Variants in ZNF804B observed in about 807,000 individuals in gnomAD.
ZNF804B encodes the protein zinc finger protein 804B.
A neutral mutation model predicts 101.4 loss-of-function variants in ZNF804B; 80 were observed. That is an observed-to-expected ratio of 0.79 (90% CI 0.66 to 0.95). The LOEUF (loss-of-function observed/expected upper bound fraction) is 0.95, where lower values mean the gene tolerates loss of function less well. Among genes scored for constraint, ZNF804B ranks in the 40% least tolerant of loss-of-function variants. ZNF804B has a pLI of 0.00. For missense variants in ZNF804B, 1,673 were observed against 1,561.9 expected (o/e 1.07, Z -1.20); for synonymous variants, 622 against 558.8 (o/e 1.11, Z -1.59).
intron 1 of ZNF804B, among the ~76,000 whole-genome samples, chr7:88,869,019 A>G (rs2115874160): frequency 6.6e-6 from 1 of 152,320 alleles, no homozygotes; most frequent in Non-Finnish European, 1.5e-5. Context: ...TGGAGTGAGA[A>G]GAATCACCTA....
At chr7:88,875,414 A>C (rs978940753) in intron 1 of ZNF804B, among the ~76,000 whole-genome samples, 2 of 152,192 alleles carry the variant, frequency 1.3e-5, no homozygotes, top group African/African-American at 4.8e-5. Flanking sequence ...AACTGCTAGC[A>C]AGACTAATAA....
chr7:89,085,851 A>G (rs1393375925), intron 1 of ZNF804B, among the ~76,000 whole-genome samples: 3 of 151,974 alleles, frequency 2.0e-5, no homozygotes, highest in Admixed American at 1.3e-4. Context: ...TTATTCTGAT[A>G]AGATTTAATG....
At chr7:88,906,529 C>A (rs903367595) in intron 1 of ZNF804B, among the ~76,000 whole-genome samples, 1 of 151,990 alleles carries the variant, frequency 6.6e-6, no homozygotes, top group Non-Finnish European at 1.5e-5. Flanking sequence ...GTTTAATTTC[C>A]ATGTGTTTAT....
chr7:89,076,305 G>C (rs1789614547), intron 1 of ZNF804B, among the ~76,000 whole-genome samples: 1 of 152,090 alleles, frequency 6.6e-6, no homozygotes, highest in Admixed American at 6.6e-5. Flanking sequence ...CAGTGGGCGG[G>C]TCTTTCCTGT....
intron 1 of ZNF804B, among the ~76,000 whole-genome samples, chr7:89,141,217 T>C (rs1375996251): frequency 6.6e-6 from 1 of 152,042 alleles, no homozygotes; most frequent in Admixed American, 6.6e-5. Context: ...AAGATCACCA[T>C]AACAAATATA....
chr7:89,078,604 A>G lies in ZNF804B; in HGVS notation c.109-139551A>G, dbSNP rs114940121. Among the ~76,000 whole-genome samples, 1,263 of 151,944 alleles carry G rather than the reference A, an allele frequency of 8.3e-3. 20 individuals carry two copies. Among genetic ancestry groups the G allele is most frequent in the African/African-American group, 0.029 (1,196 of 41,442 alleles). ...TGATAAAATGAGATGTTAGGGCAAT[A>G]TAAAAAAAACACAATATTGCAATTT... On this transcript the variant is annotated intron_variant, in intron 1 of 3. Transcript: ENST00000333190.
intron 1 of ZNF804B, among the ~76,000 whole-genome samples, chr7:89,040,265 T>C (rs1044573205): frequency 6.6e-6 from 1 of 152,048 alleles, no homozygotes; most frequent in African/African-American, 2.4e-5. Flanking sequence ...TCCTTTACTC[T>C]TTTTATCTTT....
intron 1 of ZNF804B, among the ~76,000 whole-genome samples, chr7:88,953,075 T>G (rs1273580449): frequency 6.6e-6 from 1 of 151,850 alleles, no homozygotes. Context: ...GTTATTTGTC[T>G]GGTCCACTAG....
intron 1 of ZNF804B, among the ~76,000 whole-genome samples, chr7:89,113,388 C>T (rs1269983852): frequency 6.6e-6 from 1 of 151,954 alleles, no homozygotes; most frequent in Non-Finnish European, 1.5e-5. Flanking sequence ...AAAAAAATAG[C>T]ATAAAGAGTG....
intron 1 of ZNF804B, among the ~76,000 whole-genome samples, chr7:88,901,111 G>T (rs1457013032): frequency 6.6e-6 from 1 of 151,638 alleles, no homozygotes; most frequent in Non-Finnish European, 1.5e-5. Context: ...AGTGAAAATT[G>T]ACTTTTTTAT....
chr7:88,770,034 A>G (rs926691843), intron 1 of ZNF804B, among the ~76,000 whole-genome samples: 1 of 152,170 alleles, frequency 6.6e-6, no homozygotes, highest in African/African-American at 2.4e-5. Flanking sequence ...TAAACTTTTT[A>G]TCAGTTGTTA....
At chr7:89,313,304 A>C (rs1790670675) in intron 2 of ZNF804B, among the ~76,000 whole-genome samples, 2 of 152,228 alleles carry the variant, frequency 1.3e-5, no homozygotes, top group South Asian at 2.1e-4. Context: ...TCTGAACTAA[A>C]GAAAAACATT....
chr7:89,078,693 A>G, intron 1 of ZNF804B, among the ~76,000 whole-genome samples: 1 of 149,436 alleles, frequency 6.7e-6, no homozygotes, highest in Non-Finnish European at 1.5e-5. Flanking sequence ...TCTAACTAAG[A>G]TTTTTCTATT....
chr7:88,775,925 C>G (rs1790134023), intron 1 of ZNF804B, among the ~76,000 whole-genome samples: 1 of 152,156 alleles, frequency 6.6e-6, no homozygotes, highest in Admixed American at 6.5e-5. Flanking sequence ...CATGTTGTCC[C>G]TCCAATTTTA....
intron 1 of ZNF804B, among the ~76,000 whole-genome samples, chr7:89,192,068 T>G (rs916141503): frequency 1.3e-5 from 2 of 152,092 alleles, no homozygotes; most frequent in Non-Finnish European, 2.9e-5. Flanking sequence ...AGGATTCTTA[T>G]TAGGAGGATG....
At chr7:89,019,759 G>C (rs1296046958) in intron 1 of ZNF804B, among the ~76,000 whole-genome samples, 1 of 151,886 alleles carries the variant, frequency 6.6e-6, no homozygotes, top group African/African-American at 2.4e-5. Flanking sequence ...TTTTGACTTA[G>C]TCTGTTTTAG....
chr7:88,882,822 A>G lies in ZNF804B; in HGVS notation c.108+122738A>G, dbSNP rs115831077. Reference sequence around the variant, plus strand: ...AACATTTAGCATTACACACGGACATAAAAGTGGGAACAGTAGATACTGGGG... The same window carrying G: ...AACATTTAGCATTACACACGGACATGAAAGTGGGAACAGTAGATACTGGGG... On this transcript the variant is annotated intron_variant, in intron 1 of 3. Transcript: ENST00000333190. Among the ~76,000 whole-genome samples, 647 of 152,170 alleles carry G rather than the reference A, an allele frequency of 4.3e-3. 3 individuals carry two copies. The highest frequency in any genetic ancestry group is 0.015 in the African/African-American group (617 of 41,554).
At chr7:89,214,164 GAATGTTTTAAA>G (rs1270834175) in intron 1 of ZNF804B, among the ~76,000 whole-genome samples, 1 of 152,082 alleles carries the variant, frequency 6.6e-6, no homozygotes. Flanking sequence ...TGGCATTACC[GAATGTTTTAAA>G]AATGACTCTT....
chr7:88,936,720 G>C (rs374934607), intron 1 of ZNF804B, among the ~76,000 whole-genome samples: 1 of 152,052 alleles, frequency 6.6e-6, no homozygotes. Context: ...AGGAAATTGC[G>C]TTCCTTCAGG....
Sources: gnomAD v4.1 joint callset for allele counts (sites outside exome capture counted in the v4.1 genomes callset) on GRCh38, gnomAD v4.1.1 for gene constraint, MANE v1.5 for transcripts, NCBI Gene and HGNC (gene_info 2026-07-23, HGNC 2026-07-21) for gene names.